NDUFB5: variants seen among roughly 807,000 people sequenced by gnomAD.
NDUFB5 encodes the protein NADH:ubiquinone oxidoreductase subunit B5.
A neutral mutation model predicts 19.4 loss-of-function variants in NDUFB5; 19 were observed. The observed-to-expected ratio is 0.98, with a 90% CI of 0.68 to 1.43. NDUFB5 has a LOEUF of 1.43. Ranked by LOEUF, NDUFB5 falls within the 40% of genes most tolerant of loss-of-function variation. The pLI, the probability that NDUFB5 is intolerant of heterozygous loss-of-function variation, is 0.00. For missense variants in NDUFB5, 233 were observed against 236.5 expected, an observed-to-expected ratio of 0.99 and a Z score of 0.10; for synonymous variants, 80 against 82.6, an observed-to-expected ratio of 0.97 and a Z score of 0.17.
At position 179,624,247 on chromosome 3, in the gene NDUFB5, A is replaced by G; in HGVS notation, c.*207A>G. On this transcript the variant is annotated 3_prime_UTR_variant, in exon 6 of 6. Coordinates refer to ENST00000259037, the MANE Select transcript of NDUFB5 (RefSeq NM_002492.4). ...AAATGTACTAATAAAAACTGGAGAA[A>G]TAGGAATTTGTGAACTCCTAAAATT... The G allele has an allele frequency of 2.5e-6, 1 of 392,666 alleles. No individual in the cohort carries two copies. Among genetic ancestry groups the G allele is most frequent in the Non-Finnish European group, 4.4e-6 (1 of 225,094 alleles). The allele number at this position is 392,666 out of a possible 1,614,324, so 24.3% of individuals were successfully genotyped here.
At chr3:179,615,375 A>C (rs1247134757) in intron 2 of NDUFB5, 1 of 256,024 alleles carries the variant, frequency 3.9e-6, no homozygotes, top group South Asian at 4.6e-5. Context: ...ATTACCAAAG[A>C]ACTTGTTGAA....
chr3:179,623,494 TA>T (rs1719587396), intron 5 of NDUFB5, among the ~76,000 whole-genome samples: 1 of 152,056 alleles, frequency 6.6e-6, no homozygotes. Context: ...GCCAACATGA[TA>T]AAACCCTGTC....
At chr3:179,611,413 CTT>C (rs1237253703) in intron 1 of NDUFB5, among the ~76,000 whole-genome samples, 4 of 143,750 alleles carry the variant, frequency 2.8e-5, no homozygotes, top group African/African-American at 2.5e-5. Flanking sequence ...CAGTTGTTGT[CTT>C]TTTTTTTTTT....
chr3:179,606,400 G>A (rs554188740), intron 1 of NDUFB5, among the ~76,000 whole-genome samples: 1 of 152,124 alleles, frequency 6.6e-6, no homozygotes, highest in Admixed American at 6.5e-5. Context: ...GTGCAATGGC[G>A]TGATCTTGGG....
At position 179,604,907 on chromosome 3, in the gene NDUFB5, G is replaced by A; in HGVS notation, c.92G>A (p.Gly31Asp). 1 of 1,590,954 alleles carries A rather than the reference G, an allele frequency of 6.3e-7. No individual in the cohort carries two copies. The highest frequency in any genetic ancestry group is 8.5e-7 in the Non-Finnish European group (1 of 1,173,140). Residue 31 changes from glycine to aspartate, a missense_variant, in exon 1 of 6, where the codon GGC (glycine) becomes GAC (aspartate). Gly to Asp is a moderately conservative substitution (Grantham distance 94). Transcript: ENST00000259037. ...RPLGTRLGFG[G>D]FLTRGFPKAA... ...CTTGGCACTCGCCTCGGATTTGGGGGCTTCCTCACTCGTGGCTTTCCGAAG... is the reference window on the plus strand; with the variant it reads ...CTTGGCACTCGCCTCGGATTTGGGGACTTCCTCACTCGTGGCTTTCCGAAG...
chr3:179,614,959 C>T lies in NDUFB5; in HGVS notation c.125-12C>T, dbSNP rs772285117. The T allele has an allele frequency of 6.3e-7, 1 of 1,583,206 alleles. No homozygotes were observed. The highest frequency in any genetic ancestry group is 8.7e-7 in the Non-Finnish European group (1 of 1,154,994). On this transcript the variant is annotated splice_polypyrimidine_tract_variant and intron_variant, in intron 1 of 5. Transcript: ENST00000259037. The stretch of plus-strand genomic sequence containing the variant: ...GAACCTTGTATAAAACAGGGTAATT[C>T]AATATTCCCAGCTCCTGTTCGACAC...
At chr3:179,614,853 A>T in intron 1 of NDUFB5, 118 bp from the exon 2 acceptor site, 1 of 654,708 alleles carries the variant, frequency 1.5e-6, no homozygotes, top group Non-Finnish European at 2.4e-6. Flanking sequence ...AAACCCAGTC[A>T]TCCTGCTTAT....
chr3:179,621,117 G>T (rs1423868210), intron 5 of NDUFB5, among the ~76,000 whole-genome samples: 1 of 151,834 alleles, frequency 6.6e-6, no homozygotes, highest in Non-Finnish European at 1.5e-5. Flanking sequence ...TTGCTCTGTT[G>T]CCCAGGCTGG....
intron 5 of NDUFB5, among the ~76,000 whole-genome samples, chr3:179,619,799 G>C (rs1173818974): frequency 3.3e-5 from 5 of 152,168 alleles, no homozygotes; most frequent in South Asian, 2.1e-4. Flanking sequence ...GATTGAACTA[G>C]TTTACAGTCC....
chr3:179,613,037 C>A (rs1444766502), intron 1 of NDUFB5, among the ~76,000 whole-genome samples: 1 of 152,074 alleles, frequency 6.6e-6, no homozygotes, highest in African/African-American at 2.4e-5. Flanking sequence ...CTTCCACTTA[C>A]CTTATTATGT....
chr3:179,619,196 GT>G (rs63194561), intron 5 of NDUFB5, among the ~76,000 whole-genome samples: 96,829 of 123,736 alleles, frequency 0.78, 37,352 homozygotes, highest in Admixed American at 0.85. Flanking sequence ...CTGAGTGCCT[GT>G]TTTTTTTTTT....
chr3:179,619,373 C>A (rs572387888), intron 5 of NDUFB5, among the ~76,000 whole-genome samples: 175 of 151,810 alleles, frequency 1.2e-3, no homozygotes, highest in Middle Eastern at 3.4e-3. Flanking sequence ...ACAACAGGCC[C>A]CAGTGTGTGA....
At chr3:179,608,176 A>C (rs1307358849) in intron 1 of NDUFB5, among the ~76,000 whole-genome samples, 1 of 149,138 alleles carries the variant, frequency 6.7e-6, no homozygotes, top group Admixed American at 6.7e-5. Context: ...GGAGGAAGAG[A>C]GTTTTTTTTT....
In NDUFB5 at chr3:179,626,565, G is replaced by A. The variant is rs1488128698; in HGVS notation, c.*2525G>A. 1 of 151,966 alleles carries A rather than the reference G, an allele frequency of 6.6e-6. No individual in the cohort carries two copies. The highest frequency in any genetic ancestry group is 2.4e-5 in the African/African-American group (1 of 41,222). The allele number at this position is 151,966 out of a possible 1,614,324, so 9.4% of individuals were successfully genotyped here. On this transcript the variant is annotated 3_prime_UTR_variant, in exon 6 of 6. Coordinates refer to ENST00000259037, the MANE Select transcript of NDUFB5 (RefSeq NM_002492.4). ...TATTTTTTTGAGATGGAGTCTTGCT[G>A]TGTCACCCAGGCTGGAGTGCAGTGG...
At chr3:179,607,081 C>A (rs73883571) in intron 1 of NDUFB5, among the ~76,000 whole-genome samples, 1 of 152,102 alleles carries the variant, frequency 6.6e-6, no homozygotes, top group East Asian at 1.9e-4. Context: ...AAAATTTCAC[C>A]CCCAGTTTCT....
At chr3:179,612,237 A>G (rs1371673839) in intron 1 of NDUFB5, among the ~76,000 whole-genome samples, 1 of 150,486 alleles carries the variant, frequency 6.6e-6, no homozygotes, top group Non-Finnish European at 1.5e-5. Flanking sequence ...AATCCCAGTT[A>G]CTCCGCAAGC....
intron 2 of NDUFB5, chr3:179,615,533 G>T (rs1176452319): frequency 4.4e-6 from 2 of 453,500 alleles, no homozygotes; most frequent in Admixed American, 4.7e-5. Flanking sequence ...TATTTAGAAT[G>T]CTGACTATAT....
intron 4 of NDUFB5, chr3:179,617,306 T>G (rs1368838019): frequency 4.2e-6 from 1 of 240,578 alleles, no homozygotes; most frequent in Non-Finnish European, 8.0e-6. Context: ...CCTGGCTAAT[T>G]TTTGTATTTT....
At position 179,625,266 on chromosome 3, in the gene NDUFB5, A is replaced by G. The variant is rs1719641440; in HGVS notation, c.*1226A>G. 1 of 152,230 alleles carries G rather than the reference A, an allele frequency of 6.6e-6. No homozygotes were observed. Among genetic ancestry groups the G allele is most frequent in the Non-Finnish European group, 1.5e-5 (1 of 68,038 alleles). 9.4% of individuals were successfully genotyped at this position (152,230 alleles called of 1,614,324 possible). A position where few individuals can be genotyped will look rare whatever the true frequency, so the allele number is the denominator to read the frequency against. ...ACAGCTTATCAATGCATCTCATCTT[A>G]GAAGTATGTTTTACATTCTTCATAA... On this transcript the variant is annotated 3_prime_UTR_variant, in exon 6 of 6. Transcript: ENST00000259037.
Sources: allele counts gnomAD v4.1 joint callset (sites outside exome capture counted in the v4.1 genomes callset), GRCh38; gene constraint gnomAD v4.1.1; transcripts MANE v1.5; gene names NCBI Gene and HGNC (gene_info 2026-07-23, HGNC 2026-07-21).